KIF5C: variants seen among roughly 807,000 people sequenced by gnomAD.
The protein encoded by KIF5C is kinesin family member 5C, also known as kinesin heavy chain isoform 5C.
Under a neutral mutation model 125.2 loss-of-function variants are expected in KIF5C, and 18 were observed. That is an observed-to-expected ratio of 0.14 (90% CI 0.10 to 0.21). The LOEUF (loss-of-function observed/expected upper bound fraction) is 0.21, where lower values mean the gene tolerates loss of function less well. KIF5C is among the 10% of genes least tolerant of loss of function. KIF5C has a pLI of 1.00. For synonymous variants in KIF5C, 405 were observed against 434.0 expected, an observed-to-expected ratio of 0.93 and a Z score of 0.83; for missense variants, 780 against 1,183.8, an observed-to-expected ratio of 0.66 and a Z score of 5.01.
At position 148,991,125 on chromosome 2, in the gene KIF5C, C is replaced by T. The variant is rs770716612; in HGVS notation, c.1832C>T (p.Ala611Val). 1.2e-6 allele frequency: 2 copies of T among 1,613,960 alleles called. No individual in the cohort carries two copies. Among genetic ancestry groups the T allele is most frequent in the Non-Finnish European group, 1.7e-6 (2 of 1,179,880 alleles). ...AACCGCAGCAAACAGCTCGAGAGCG[C>T]CCAGATGGACTCCAACAGGAAGATG... ...LVNRSKQLES[A>V]QMDSNRKMNA... is the part of the protein sequence containing the mutation. The change falls in exon 16 of 26, where the codon GCC becomes GTC. Residue 611 changes from alanine to valine, a missense_variant. Ala to Val is a moderately conservative substitution (Grantham distance 64). This residue lies in a region of KIF5C where 573 missense variants were observed against 742.6 expected (regional missense o/e 0.77). Coordinates refer to ENST00000435030, the MANE Select transcript of KIF5C (RefSeq NM_004522.3).
intron 1 of KIF5C, among the ~76,000 whole-genome samples, chr2:148,899,776 A>C (rs1680824856): frequency 6.6e-6 from 1 of 152,038 alleles, no homozygotes; most frequent in Non-Finnish European, 1.5e-5. Flanking sequence ...ACTCCTTAAA[A>C]ATGGTTGCAA....
chr2:149,001,389 A>G (rs1681847299), intron 21 of KIF5C, among the ~76,000 whole-genome samples: 1 of 152,114 alleles, frequency 6.6e-6, no homozygotes, highest in African/African-American at 2.4e-5. Flanking sequence ...GCCCTGAGAT[A>G]AGCCCGGGAC....
intron 1 of KIF5C, among the ~76,000 whole-genome samples, chr2:148,904,202 G>T (rs757838512): frequency 3.3e-5 from 5 of 152,208 alleles, no homozygotes; most frequent in Non-Finnish European, 7.3e-5. Flanking sequence ...TGTCTTAATT[G>T]TGCTTAAGAG....
chr2:148,990,410 G>T (rs1196447537), intron 15 of KIF5C, among the ~76,000 whole-genome samples: 1 of 152,228 alleles, frequency 6.6e-6, no homozygotes, highest in Non-Finnish European at 1.5e-5. Flanking sequence ...GAAAAGTTAT[G>T]CTGAGAAACC....
At chr2:148,899,031 A>C (rs1042366987) in intron 1 of KIF5C, among the ~76,000 whole-genome samples, 9 of 152,236 alleles carry the variant, frequency 5.9e-5, no homozygotes, top group Non-Finnish European at 1.3e-4. Flanking sequence ...CATTCAGAGA[A>C]AATTTTATAT....
intron 1 of KIF5C, among the ~76,000 whole-genome samples, chr2:148,912,376 TTTAAA>T (rs1216849703): frequency 6.6e-6 from 1 of 152,240 alleles, no homozygotes; most frequent in Non-Finnish European, 1.5e-5. Context: ...AAAATCACTT[TTTAAA>T]GATTTTTGGC....
intron 18 of KIF5C, chr2:148,998,172 G>T (rs571872058): frequency 3.3e-6 from 2 of 614,846 alleles, no homozygotes; most frequent in South Asian, 2.1e-5. Context: ...TTAGTTGGTG[G>T]GCTAATTGGC....
intron 10 of KIF5C, among the ~76,000 whole-genome samples, chr2:148,961,101 C>T (rs1365217232): frequency 2.0e-5 from 3 of 152,192 alleles, no homozygotes; most frequent in African/African-American, 7.2e-5. Flanking sequence ...CCCCAGAGAT[C>T]GCATCATCTC....
chr2:148,886,349 T>C, intron 1 of KIF5C: 1 of 152,554 alleles, frequency 6.6e-6, no homozygotes, highest in Non-Finnish European at 1.5e-5. Context: ...GCTGAGGGGA[T>C]AAGTTCAGCT....
chr2:148,927,349 C>T (rs1170096222), intron 2 of KIF5C, among the ~76,000 whole-genome samples: 1 of 152,112 alleles, frequency 6.6e-6, no homozygotes, highest in Non-Finnish European at 1.5e-5. Flanking sequence ...GAACATCGGC[C>T]CTTGCAGGGT....
intron 13 of KIF5C, 56 bp downstream of exon 13, chr2:148,979,046 T>C: frequency 6.9e-7 from 1 of 1,451,260 alleles, no homozygotes; most frequent in Admixed American, 2.6e-5. Flanking sequence ...CTCTTTGTTG[T>C]TGATGTTTGT....
At chr2:148,985,438 A>G (rs569326694) in intron 15 of KIF5C, among the ~76,000 whole-genome samples, 2 of 152,302 alleles carry the variant, frequency 1.3e-5, no homozygotes, top group South Asian at 4.1e-4. Context: ...ATCTCCCCCA[A>G]AAGTATGTGG....
At chr2:148,931,624 C>T (rs540119537) in intron 3 of KIF5C, among the ~76,000 whole-genome samples, 1 of 152,310 alleles carries the variant, frequency 6.6e-6, no homozygotes, top group African/African-American at 2.4e-5. Context: ...GATTACACCA[C>T]TGCGCTCCAG....
chr2:148,974,075 T>C (rs1680993663), intron 12 of KIF5C, among the ~76,000 whole-genome samples: 1 of 152,222 alleles, frequency 6.6e-6, no homozygotes, highest in Non-Finnish European at 1.5e-5. Context: ...TCCAATTTTA[T>C]GACAAGCTTT....
intron 22 of KIF5C, 84 bp from the exon 23 acceptor site, chr2:149,007,879 A>AT (rs377205711): frequency 1.8e-3 from 2,019 of 1,143,488 alleles, no homozygotes; most frequent in South Asian, 3.7e-3. Flanking sequence ...GGGAATGGGG[A>AT]TTTTTTTTTT....
intron 3 of KIF5C, among the ~76,000 whole-genome samples, chr2:148,934,684 C>CA (rs1682255040): frequency 6.6e-6 from 1 of 151,868 alleles, no homozygotes. Context: ...ACACTCGCCA[C>CA]ACTTCCTACA....
intron 21 of KIF5C, among the ~76,000 whole-genome samples, chr2:149,002,052 C>T (rs1681864829): frequency 6.6e-6 from 1 of 152,188 alleles, no homozygotes; most frequent in African/African-American, 2.4e-5. Context: ...GGAGGAGGAG[C>T]CTGTGGAGGG....
chr2:148,948,547 G>C (rs553754281), intron 8 of KIF5C, among the ~76,000 whole-genome samples: 20 of 152,138 alleles, frequency 1.3e-4, no homozygotes, highest in Non-Finnish European at 2.8e-4. Flanking sequence ...ATATTTATGA[G>C]GTGTTTGAAA....
At chr2:149,017,695 T>G (rs1682406856) in intron 25 of KIF5C, among the ~76,000 whole-genome samples, 2 of 152,226 alleles carry the variant, frequency 1.3e-5, no homozygotes, top group South Asian at 4.1e-4. Flanking sequence ...ACTTGAGTAG[T>G]AAATAGAGTA....
Sources: allele counts gnomAD v4.1 joint callset (sites outside exome capture counted in the v4.1 genomes callset), GRCh38; gene constraint gnomAD v4.1.1; regional missense constraint gnomAD v4.1.1; transcripts MANE v1.5; gene names NCBI Gene and HGNC (gene_info 2026-07-23, HGNC 2026-07-21).